CSMD3: variants seen among roughly 807,000 people sequenced by gnomAD.
CSMD3 encodes the protein CUB and Sushi multiple domains 3.
Under a neutral mutation model 435.2 loss-of-function variants are expected in CSMD3, and 177 were observed. That is an observed-to-expected ratio of 0.41 (90% confidence interval 0.36 to 0.46). The LOEUF is 0.46. Ranked by LOEUF, CSMD3 falls within the 20% of genes least tolerant of loss-of-function variation. The pLI, the probability that CSMD3 is intolerant of heterozygous loss-of-function variation, is 0.34. For missense variants in CSMD3, 4,265 were observed against 4,504.6 expected (o/e 0.95, Z 1.52); for synonymous variants, 1,656 against 1,520.5 (o/e 1.09, Z -2.07).
At chr8:113,218,330 A>T (rs1363560629) in intron 3 of CSMD3, among the ~76,000 whole-genome samples, 1 of 151,074 alleles carries the variant, frequency 6.6e-6, no homozygotes, top group Non-Finnish European at 1.5e-5. Flanking sequence ...TTTTAGTTCT[A>T]TTAAATTATT....
intron 42 of CSMD3, among the ~76,000 whole-genome samples, chr8:112,339,659 A>G (rs1824914208): frequency 6.6e-6 from 1 of 152,288 alleles, no homozygotes; most frequent in South Asian, 2.1e-4. Flanking sequence ...TCTTGTCAGT[A>G]ATAACATTAA....
intron 35 of CSMD3, among the ~76,000 whole-genome samples, chr8:112,401,890 C>G (rs1453844927): frequency 6.6e-6 from 1 of 152,060 alleles, no homozygotes; most frequent in East Asian, 1.9e-4. Flanking sequence ...GCACATTTTC[C>G]ATATAATAAC....
At chr8:113,244,478 A>G (rs1477839583) in intron 3 of CSMD3, among the ~76,000 whole-genome samples, 2 of 151,742 alleles carry the variant, frequency 1.3e-5, no homozygotes, top group Non-Finnish European at 2.9e-5. Context: ...ACCACGCCTG[A>G]CTAATTTTTG....
At chr8:113,076,610 T>C (rs79955173) in intron 5 of CSMD3, among the ~76,000 whole-genome samples, 1 of 152,124 alleles carries the variant, frequency 6.6e-6, no homozygotes, top group African/African-American at 2.4e-5. Flanking sequence ...ACATTATACA[T>C]ATTAGAATGC....
chr8:112,902,504 C>T (rs889102873), intron 10 of CSMD3, among the ~76,000 whole-genome samples: 1 of 151,260 alleles, frequency 6.6e-6, no homozygotes, highest in African/African-American at 2.4e-5. Flanking sequence ...GCAGTGGCCC[C>T]TCAGTTCATA....
intron 24 of CSMD3, among the ~76,000 whole-genome samples, chr8:112,566,175 T>C (rs1829051050): frequency 1.3e-5 from 2 of 152,006 alleles, no homozygotes; most frequent in Admixed American, 6.6e-5. Flanking sequence ...AGAGCTAGTA[T>C]AGCATAGTGG....
At chr8:112,417,672 T>C (rs1288311696) in intron 32 of CSMD3, among the ~76,000 whole-genome samples, 3 of 152,204 alleles carry the variant, frequency 2.0e-5, no homozygotes, top group Non-Finnish European at 4.4e-5. Flanking sequence ...CACTTCTCTG[T>C]CTACTTGATT....
At chr8:113,123,135 T>C (rs1275319798) in intron 4 of CSMD3, among the ~76,000 whole-genome samples, 1 of 152,074 alleles carries the variant, frequency 6.6e-6, no homozygotes, top group Non-Finnish European at 1.5e-5. Flanking sequence ...TTCCAAGGTA[T>C]GGTTAGTGGC....
chr8:112,513,007 T>C (rs957209353), intron 28 of CSMD3, among the ~76,000 whole-genome samples: 3 of 152,194 alleles, frequency 2.0e-5, no homozygotes, highest in African/African-American at 7.2e-5. Flanking sequence ...TCTATGTCTT[T>C]ATAGAATTAA....
At chr8:112,235,494 A>C (rs1813485635) in intron 67 of CSMD3, among the ~76,000 whole-genome samples, 1 of 152,206 alleles carries the variant, frequency 6.6e-6, no homozygotes, top group African/African-American at 2.4e-5. Flanking sequence ...GGGAAGGTAA[A>C]TACAAGCAAT....
At chr8:112,598,747 T>A (rs13248071) in intron 22 of CSMD3, among the ~76,000 whole-genome samples, 83,713 of 148,618 alleles carry the variant, frequency 0.56, 23,784 homozygotes, top group African/African-American at 0.67. Context: ...TTGACAAACC[T>A]GAGAAAAACA....
chr8:112,405,230 T>C (rs200177019), intron 35 of CSMD3, among the ~76,000 whole-genome samples: 4 of 102,894 alleles, frequency 3.9e-5, no homozygotes, highest in African/African-American at 1.4e-4. Context: ...TATATATATA[T>C]ATATATATAT....
At chr8:112,286,831 C>T (rs901760508) in intron 58 of CSMD3, among the ~76,000 whole-genome samples, 1 of 151,990 alleles carries the variant, frequency 6.6e-6, no homozygotes, top group African/African-American at 2.4e-5. Context: ...TAAACATTTG[C>T]TATGTTGTGA....
At position 112,304,913 on chromosome 8, in the gene CSMD3, C is replaced by A. The variant is rs1477623239; in HGVS notation, c.8074G>T (p.Val2692Phe). 1 of 1,612,454 alleles carries A rather than the reference C, an allele frequency of 6.2e-7. No homozygotes were observed. The highest frequency in any genetic ancestry group is 1.1e-5 in the South Asian group (1 of 90,902). ...AAGGAATTGATGCTTGGACATGTAACAACTATACAAAAACCAAAGGGTGTA... is the reference window on the plus strand; with the variant it reads ...AAGGAATTGATGCTTGGACATGTAAAAACTATACAAAAACCAAAGGGTGTA... Reference protein sequence around the residue: ...NHNKTPRCVVVTCPSINSFIL... With the variant: ...NHNKTPRCVVFTCPSINSFIL... The change falls in exon 52 of 71, where the codon GTT becomes TTT. Residue 2692 changes from valine to phenylalanine, a missense_variant and splice_region_variant. Physicochemically the swap from Val to Phe is conservative, Grantham distance 50. Around this residue, in one of 3 missense-constraint regions of CSMD3, gnomAD observed 3,255 missense variants for 3,380.2 expected, o/e 0.96. Coordinates refer to ENST00000297405, the MANE Select transcript of CSMD3 (RefSeq NM_198123.2).
intron 2 of CSMD3, among the ~76,000 whole-genome samples, chr8:113,299,182 C>T (rs7837326): frequency 0.93 from 142,168 of 152,202 alleles, 66,512 homozygotes; most frequent in East Asian, 1. Flanking sequence ...TTGGTTTCAA[C>T]TGACTATCTC....
chr8:113,076,928 AT>A (rs1486726988), intron 5 of CSMD3, among the ~76,000 whole-genome samples: 1 of 152,180 alleles, frequency 6.6e-6, no homozygotes, highest in African/African-American at 2.4e-5. Context: ...CTGTTATACT[AT>A]TCCTGAAGTG....
intron 38 of CSMD3, among the ~76,000 whole-genome samples, chr8:112,359,229 T>C (rs1446147867): frequency 1.3e-5 from 2 of 152,190 alleles, no homozygotes; most frequent in African/African-American, 2.4e-5. Flanking sequence ...TTAAAAAGCA[T>C]TGAAAACTAA....
Position 113,098,753 on chromosome 8 carries a change from T to C in CSMD3, c.917+3A>G, listed in dbSNP as rs2090241396. 1 of 1,586,830 alleles carries C rather than the reference T, an allele frequency of 6.3e-7. No individual in the cohort carries two copies. Among genetic ancestry groups the C allele is most frequent in the South Asian group, 1.1e-5 (1 of 90,552 alleles). On this transcript the variant is annotated splice_donor_region_variant and intron_variant, in intron 5 of 70. Transcript: ENST00000297405. ...GCAAGGTTAATAGAAGCTATTTACT[T>C]ACCATATGGTAGGTGGCTCAGAACC...
At chr8:112,642,819 ACTT>A (rs757105077) in intron 20 of CSMD3, among the ~76,000 whole-genome samples, 2 of 152,186 alleles carry the variant, frequency 1.3e-5, no homozygotes, top group East Asian at 1.9e-4. Flanking sequence ...ATTACTACAA[ACTT>A]CTTATCAATT....
Sources: allele counts gnomAD v4.1 joint callset (sites outside exome capture counted in the v4.1 genomes callset), GRCh38; gene constraint gnomAD v4.1.1; regional missense constraint gnomAD v4.1.1; transcripts MANE v1.5; gene names NCBI Gene and HGNC (gene_info 2026-07-23, HGNC 2026-07-21).